The following PCCA variants were observed in gnomAD, a reference collection of about 807,000 sequenced individuals.
PCCA encodes propionyl-CoA carboxylase alpha chain, mitochondrial.
PCCA carries 74 observed loss-of-function variants against 101.3 expected under a neutral mutation model. The observed-to-expected ratio is 0.73, with a 90% CI of 0.61 to 0.89. The LOEUF is 0.89. Among genes scored for constraint, PCCA ranks in the 40% least tolerant of loss-of-function variants. The pLI is 0.00. For missense variants in PCCA, 891 were observed against 907.0 expected (o/e 0.98, Z 0.23); for synonymous variants, 294 against 313.6 (o/e 0.94, Z 0.66).
chr13:100,089,880 A>G (rs1356345926), intron 1 of PCCA, among the ~76,000 whole-genome samples: 3 of 152,152 alleles, frequency 2.0e-5, no homozygotes, highest in African/African-American at 4.8e-5. Context: ...ACTGTTCTGT[A>G]TACCTAGGCT....
intron 21 of PCCA, among the ~76,000 whole-genome samples, chr13:100,468,816 G>A (rs2082735494): frequency 6.6e-6 from 1 of 152,108 alleles, no homozygotes; most frequent in South Asian, 2.1e-4. Context: ...CTTGAGGTCA[G>A]GAGTTCGAGA....
chr13:100,497,412 G>A (rs1423632778), intron 21 of PCCA, among the ~76,000 whole-genome samples: 1 of 151,764 alleles, frequency 6.6e-6, no homozygotes, highest in African/African-American at 2.4e-5. Flanking sequence ...AGAAGTGTAA[G>A]TTGTGGAATG....
chr13:100,497,598 A>ACTC (rs2085366508), intron 21 of PCCA, among the ~76,000 whole-genome samples: 2 of 152,034 alleles, frequency 1.3e-5, no homozygotes, highest in African/African-American at 4.8e-5. Flanking sequence ...GAGTCTTCAG[A>ACTC]TTAAATTCAT....
intron 21 of PCCA, among the ~76,000 whole-genome samples, chr13:100,509,406 A>G (rs1180919106): frequency 2.0e-5 from 3 of 152,218 alleles, no homozygotes; most frequent in African/African-American, 7.2e-5. Context: ...ATGAACTTCC[A>G]GGGGCACGTT....
intron 10 of PCCA, among the ~76,000 whole-genome samples, chr13:100,264,053 GTATA>G (rs1276783334): frequency 7.3e-6 from 1 of 136,074 alleles, no homozygotes; most frequent in Admixed American, 7.4e-5. Context: ...TCTGTATATC[GTATA>G]TATACGGTAT....
chr13:100,514,965 G>A (rs1006020276), intron 21 of PCCA, among the ~76,000 whole-genome samples: 23 of 152,170 alleles, frequency 1.5e-4, no homozygotes, highest in African/African-American at 5.6e-4. Context: ...TTACTGATAC[G>A]TAGTGCAGCC....
chr13:100,268,623 A>G, intron 10 of PCCA, 66 bp from the exon 11 acceptor site: 1 of 1,129,902 alleles, frequency 8.9e-7, no homozygotes, highest in Non-Finnish European at 1.4e-6. Context: ...GCATGCGGAA[A>G]ATATTAACCA....
At chr13:100,314,731 C>T (rs2067192698) in intron 16 of PCCA, among the ~76,000 whole-genome samples, 1 of 152,212 alleles carries the variant, frequency 6.6e-6, no homozygotes, top group South Asian at 2.1e-4. Context: ...GGCTTCTTCT[C>T]TTCAAACATG....
chr13:100,354,630 A>G (rs888994965), intron 18 of PCCA, among the ~76,000 whole-genome samples: 3 of 152,184 alleles, frequency 2.0e-5, no homozygotes, highest in Admixed American at 6.5e-5. Flanking sequence ...AAGAAAAAAA[A>G]CTGAAATTGT....
chr13:100,436,740 G>C (rs867947623), intron 20 of PCCA, among the ~76,000 whole-genome samples: 1 of 152,046 alleles, frequency 6.6e-6, no homozygotes, highest in South Asian at 2.1e-4. Context: ...CTGACTTCTC[G>C]GCGCATATAA....
chr13:100,268,033 A>G (rs529036257), intron 10 of PCCA, among the ~76,000 whole-genome samples: 2 of 152,158 alleles, frequency 1.3e-5, no homozygotes, highest in Non-Finnish European at 2.9e-5. Context: ...CTGGTTGGGT[A>G]TCCCTAATCT....
chr13:100,421,828 G>A (rs2078783043), intron 19 of PCCA, among the ~76,000 whole-genome samples: 1 of 152,024 alleles, frequency 6.6e-6, no homozygotes, highest in Non-Finnish European at 1.5e-5. Flanking sequence ...GGGACTACAG[G>A]CACCCACTAC....
chr13:100,164,921 C>T (rs1006569676), intron 6 of PCCA, among the ~76,000 whole-genome samples: 2 of 152,186 alleles, frequency 1.3e-5, no homozygotes, highest in African/African-American at 4.8e-5. Context: ...CTAGGTACCT[C>T]ACATAAGTGG....
At position 100,089,170 on chromosome 13, in the gene PCCA, G is replaced by A. The variant is rs768914819; in HGVS notation, c.50G>A (p.Arg17His). Residue 17 changes from arginine (R) to histidine (H), a missense_variant, in exon 1 of 24, where the codon CGT becomes CAT. Transcript: ENST00000376285. ...GCACCGCTGGTCGCTGCCGGACGGC[G>A]TGGGCGGTGGCCGCCGCAGCAGCTG... is the stretch of plus-strand genomic sequence containing the variant. ...GTAPLVAAGR[R>H]GRWPPQQLML... 2.6e-6 allele frequency: 4 copies of A among 1,529,474 alleles called. No individual in the cohort carries two copies. In the African/African-American group the frequency reaches 5.7e-5, roughly 22 times the overall value. 94.7% of individuals were successfully genotyped at this position (1,529,474 alleles called of 1,614,324 possible).
At chr13:100,474,728 A>C (rs781055846) in intron 21 of PCCA, among the ~76,000 whole-genome samples, 9 of 151,852 alleles carry the variant, frequency 5.9e-5, no homozygotes, top group Non-Finnish European at 1.2e-4. Flanking sequence ...GTCTCAAGCG[A>C]TCCTCCCACC....
At chr13:100,456,837 A>G (rs1169508218) in intron 21 of PCCA, among the ~76,000 whole-genome samples, 4 of 152,174 alleles carry the variant, frequency 2.6e-5, no homozygotes, top group African/African-American at 7.2e-5. Flanking sequence ...ACAGCATCAC[A>G]GGGAGGGGTT....
At chr13:100,162,787 G>A (rs2054621530) in intron 6 of PCCA, among the ~76,000 whole-genome samples, 1 of 152,140 alleles carries the variant, frequency 6.6e-6, no homozygotes, top group Admixed American at 6.6e-5. Flanking sequence ...ATATTCTTAA[G>A]TGGAACTAAT....
chr13:100,092,591 G>A (rs2046383050), intron 1 of PCCA, among the ~76,000 whole-genome samples: 1 of 151,986 alleles, frequency 6.6e-6, no homozygotes, highest in South Asian at 2.1e-4. Flanking sequence ...ATGGGGTTTT[G>A]CTATGTTGCC....
intron 18 of PCCA, among the ~76,000 whole-genome samples, chr13:100,350,510 C>T (rs2073138161): frequency 6.6e-6 from 1 of 152,144 alleles, no homozygotes; most frequent in Admixed American, 6.5e-5. Context: ...TTTACTGTCT[C>T]TGTTATGATA....
Sources: gnomAD v4.1 joint callset for allele counts (sites outside exome capture counted in the v4.1 genomes callset) on GRCh38, gnomAD v4.1.1 for gene constraint, MANE v1.5 for transcripts, NCBI Gene and HGNC (gene_info 2026-07-23, HGNC 2026-07-21) for gene names.